Variants in KCNK9 observed in about 807,000 individuals in gnomAD.
KCNK9 encodes the protein potassium channel subfamily K member 9.
In KCNK9, 1 loss-of-function variant was observed where a neutral mutation model predicts 10.8. The observed-to-expected ratio is 0.09, with a 90% CI of 0.03 to 0.44. KCNK9 has a LOEUF of 0.44. KCNK9 is among the 20% of genes least tolerant of loss of function. The pLI is 0.97. For missense variants in KCNK9, 303 were observed against 515.0 expected (o/e 0.59, Z 3.98); for synonymous variants, 231 against 222.7 (o/e 1.04, Z -0.33).
chr8:139,655,025 C>CG, intron 1 of KCNK9, among the ~76,000 whole-genome samples: 1 of 151,958 alleles, frequency 6.6e-6, no homozygotes, highest in Non-Finnish European at 1.5e-5. Flanking sequence ...AGATGGATGG[C>CG]GGGGGGCGGG....
chr8:139,678,578 C>T (rs976491592), intron 1 of KCNK9, among the ~76,000 whole-genome samples: 11 of 152,264 alleles, frequency 7.2e-5, no homozygotes, highest in African/African-American at 2.7e-4. Context: ...TCTCTCAACA[C>T]CCCCGAGGGC....
chr8:139,666,718 G>A (rs571886710), intron 1 of KCNK9, among the ~76,000 whole-genome samples: 1 of 152,256 alleles, frequency 6.6e-6, no homozygotes, highest in Admixed American at 6.5e-5. Context: ...TGCATGGAAA[G>A]CTCTAGATCC....
chr8:139,632,491 G>A (rs970839870), intron 1 of KCNK9, among the ~76,000 whole-genome samples: 3 of 152,130 alleles, frequency 2.0e-5, no homozygotes, highest in Non-Finnish European at 4.4e-5. Flanking sequence ...CCACATATGT[G>A]ACCTCCTCCT....
Position 139,693,509 on chromosome 8 carries a change from C to G in KCNK9, c.283+9201G>C, listed in dbSNP as rs1419505557. ...GCTCTCGGGGAGCCAGGAGTACCAG[C>G]CAGTGTCCAGCCAGCCTTCCCTGAG... On this transcript the variant is annotated intron_variant, in intron 1 of 1. Transcript: ENST00000520439. The surrounding 1 kb of genome is among the most constrained non-coding windows in gnomAD (Gnocchi z 4.1). Among the ~76,000 whole-genome samples, 1 of 152,102 alleles carries G rather than the reference C, an allele frequency of 6.6e-6. No individual in the cohort carries two copies. The highest frequency in any genetic ancestry group is 1.5e-5 in the Non-Finnish European group (1 of 68,032).
At chr8:139,601,670 T>C (rs2130068240) in intron 2 of KCNK9, 1 of 152,340 alleles carries the variant, frequency 6.6e-6, no homozygotes, top group East Asian at 1.9e-4. Flanking sequence ...GCTCTATGGA[T>C]GAAATATTGC....
chr8:139,673,454 C>T (rs1816483440), intron 1 of KCNK9, among the ~76,000 whole-genome samples: 1 of 152,188 alleles, frequency 6.6e-6, no homozygotes, highest in Admixed American at 6.5e-5. Flanking sequence ...GCGGCACTGG[C>T]TGGGAGCTGG....
Position 139,696,694 on chromosome 8 carries a change from A to AATGGATGG in KCNK9, c.283+6008_283+6015dup, listed in dbSNP as rs200315267. ...ACACAGAAGGATGGATGGGTGGATA[A>AATGGATGG]ATGGATGGATGGATGGATGGATGAG... On this transcript the variant is annotated intron_variant, in intron 1 of 1. Coordinates refer to ENST00000520439, the MANE Select transcript of KCNK9 (RefSeq NM_001282534.2). Among the ~76,000 whole-genome samples the AATGGATGG allele has an allele frequency of 2.3e-5, 3 of 130,672 alleles. 1 individual carries two copies. The highest frequency in any genetic ancestry group is 1.6e-4 in the Admixed American group (2 of 12,278). 85.7% of individuals were successfully genotyped at this position (130,672 alleles called of 152,430 possible). A position where few individuals can be genotyped will look rare whatever the true frequency, so the allele number is the denominator to read the frequency against.
intron 1 of KCNK9, among the ~76,000 whole-genome samples, chr8:139,625,285 C>T (rs956571438): frequency 6.6e-5 from 10 of 152,214 alleles, no homozygotes; most frequent in Non-Finnish European, 1.0e-4. Context: ...CTCCCAGCCC[C>T]GGACCCTGGT....
At chr8:139,605,154 T>C in intron 2 of KCNK9, among the ~76,000 whole-genome samples, 1 of 152,232 alleles carries the variant, frequency 6.6e-6, no homozygotes, top group South Asian at 2.1e-4. Flanking sequence ...TTTCCCTTCT[T>C]GTGTCCATAC....
In KCNK9 at chr8:139,702,650, C is replaced by T. The variant is rs903280135; in HGVS notation, c.283+60G>A. On this transcript the variant is annotated intron_variant, in intron 1 of 1. Transcript: ENST00000520439. This position sits in a 1 kb window ranked among gnomAD's most constrained non-coding sequence, Gnocchi z 7.5. Reference sequence around the variant, plus strand: ...TGCACCCAGCCCGGCGCGGCGCGCTCAGCCGCCTCCCCGGACTCCTCCCGG... The same window carrying T: ...TGCACCCAGCCCGGCGCGGCGCGCTTAGCCGCCTCCCCGGACTCCTCCCGG... 1,182 of 1,514,236 alleles carry T rather than the reference C, an allele frequency of 7.8e-4. 1 individual carries two copies. Among genetic ancestry groups the T allele is most frequent in the Non-Finnish European group, 1.0e-3 (1,138 of 1,128,188 alleles). 93.8% of individuals were successfully genotyped at this position (1,514,236 alleles called of 1,614,324 possible). A position where few individuals can be genotyped will look rare whatever the true frequency, so the allele number is the denominator to read the frequency against.
chr8:139,661,203 G>A (rs375810103), intron 1 of KCNK9, among the ~76,000 whole-genome samples: 2 of 152,184 alleles, frequency 1.3e-5, no homozygotes, highest in East Asian at 1.9e-4. Context: ...TACTGAAGAC[G>A]CTGAGTTGGG....
chr8:139,644,767 G>T (rs2129655222), intron 1 of KCNK9, among the ~76,000 whole-genome samples: 1 of 139,626 alleles, frequency 7.2e-6, no homozygotes, highest in Middle Eastern at 4.2e-3. Flanking sequence ...ATCCCAGCAT[G>T]CCTTGCAGCA....
At chr8:139,650,141 G>T (rs974855098) in intron 1 of KCNK9, among the ~76,000 whole-genome samples, 2 of 152,206 alleles carry the variant, frequency 1.3e-5, no homozygotes, top group Non-Finnish European at 2.9e-5. Context: ...CTCTCCTGGG[G>T]CTTCTCATCT....
downstream of KCNK9, chr8:139,615,919 T>C (rs372328546): frequency 4.6e-5 from 7 of 152,074 alleles, no homozygotes; most frequent in African/African-American, 1.4e-4. Flanking sequence ...GTCCCTTTAA[T>C]TTGCTCCAAG....
intron 1 of KCNK9, among the ~76,000 whole-genome samples, chr8:139,668,864 T>G (rs1036621984): frequency 6.6e-6 from 1 of 152,206 alleles, no homozygotes; most frequent in Non-Finnish European, 1.5e-5. Context: ...CTCTTTAATC[T>G]GAGGCTCAAC....
intron 1 of KCNK9, among the ~76,000 whole-genome samples, chr8:139,652,146 G>C (rs1013203736): frequency 1.3e-4 from 20 of 152,234 alleles, no homozygotes; most frequent in African/African-American, 4.8e-4. Flanking sequence ...CAAGAGCTGG[G>C]GCACATGATC....
chr8:139,665,093 C>T (rs1816264350), intron 1 of KCNK9, among the ~76,000 whole-genome samples: 1 of 152,198 alleles, frequency 6.6e-6, no homozygotes, highest in African/African-American at 2.4e-5. Context: ...TCACAAATTG[C>T]CATGAACTCG....
chr8:139,670,941 A>C (rs1435619064), intron 1 of KCNK9, among the ~76,000 whole-genome samples: 1 of 152,200 alleles, frequency 6.6e-6, no homozygotes, highest in Non-Finnish European at 1.5e-5. Context: ...CAGGGCCCCA[A>C]GCTGGCCTGT....
At chr8:139,698,847 G>T (rs1461671974) in intron 1 of KCNK9, among the ~76,000 whole-genome samples, 1 of 152,200 alleles carries the variant, frequency 6.6e-6, no homozygotes, top group African/African-American at 2.4e-5. Context: ...AGAAAAGGAA[G>T]CTATCTCAAG....
Sources: allele counts gnomAD v4.1 joint callset (sites outside exome capture counted in the v4.1 genomes callset), GRCh38; gene constraint gnomAD v4.1.1; non-coding constraint Gnocchi (gnomAD v3.1); transcripts MANE v1.5; gene names NCBI Gene and HGNC (gene_info 2026-07-23, HGNC 2026-07-21).